The following BRWD1 variants were observed in gnomAD, a reference collection of about 807,000 sequenced individuals.
The protein encoded by BRWD1 is bromodomain and WD repeat domain containing 1.
Under a neutral mutation model 251.2 loss-of-function variants are expected in BRWD1, and 82 were observed. That is an observed-to-expected ratio of 0.33 (90% CI 0.27 to 0.39). The LOEUF (loss-of-function observed/expected upper bound fraction) is 0.39. BRWD1 is among the 10% of genes least tolerant of loss of function. The pLI is 1.00. For synonymous variants in BRWD1, 918 were observed against 902.8 expected (o/e 1.02, Z -0.30); for missense variants, 2,233 against 2,711.6 (o/e 0.82, Z 3.92).
intron 4 of BRWD1, 143 bp downstream of exon 4, chr21:39,312,698 G>A (rs923179710): frequency 6.5e-6 from 3 of 464,854 alleles, no homozygotes; most frequent in African/African-American, 2.1e-5. Flanking sequence ...AAAATCTTCA[G>A]CCGGGAACGC....
At chr21:39,220,933 G>T (rs2033150760) in intron 29 of BRWD1, among the ~76,000 whole-genome samples, 1 of 151,978 alleles carries the variant, frequency 6.6e-6, no homozygotes, top group Non-Finnish European at 1.5e-5. Context: ...CGAGGCAGGG[G>T]GATCACTTGA....
Position 39,264,514 on chromosome 21 carries a change from G to A in BRWD1, c.1831C>T (p.Arg611Ter). 1.2e-6 allele frequency: 2 copies of A among 1,611,076 alleles called. No homozygotes were observed. The highest frequency in any genetic ancestry group is 1.3e-5 in the African/African-American group (1 of 74,666). Reference protein sequence around the residue: ...PTKYQRLVPGRENSADEHLIP... With the variant: ...PTKYQRLVPG ...AAATGTTCATCTGCAGAATTTTCTCGGCCTGGTACTAATCTCTGATACTTG... is the reference window on the plus strand; with the variant it reads ...AAATGTTCATCTGCAGAATTTTCTCAGCCTGGTACTAATCTCTGATACTTG... The change falls in exon 17 of 41, where the codon CGA (arginine) becomes TGA (stop). Residue 611 changes from arginine (R) to a stop codon, truncating the protein, a stop_gained. Transcript: ENST00000342449. LOFTEE classifies it high-confidence loss of function.
intron 4 of BRWD1, among the ~76,000 whole-genome samples, chr21:39,299,022 G>A (rs1309710533): frequency 2.6e-5 from 4 of 152,038 alleles, no homozygotes; most frequent in Admixed American, 6.6e-5. Context: ...TCAGGAGTTC[G>A]AGACCAGCCT....
intron 27 of BRWD1, among the ~76,000 whole-genome samples, chr21:39,227,649 T>C (rs1231999349): frequency 2.0e-5 from 3 of 152,170 alleles, no homozygotes; most frequent in Non-Finnish European, 2.9e-5. Flanking sequence ...ATACATTACA[T>C]GGTTATAAAG....
At chr21:39,289,417 C>T (rs2035739010) in intron 8 of BRWD1, among the ~76,000 whole-genome samples, 1 of 152,158 alleles carries the variant, frequency 6.6e-6, no homozygotes, top group Non-Finnish European at 1.5e-5. Flanking sequence ...CCAGAATTTA[C>T]TTATCTTATA....
At chr21:39,312,808 A>G in intron 4 of BRWD1, 33 bp downstream of exon 4, 1 of 1,551,770 alleles carries the variant, frequency 6.4e-7, no homozygotes, top group Non-Finnish European at 8.8e-7. Flanking sequence ...CGGTGCACGG[A>G]AAACCCGGGG....
At chr21:39,254,662 T>C (rs2034504220) in intron 19 of BRWD1, among the ~76,000 whole-genome samples, 1 of 152,268 alleles carries the variant, frequency 6.6e-6, no homozygotes, top group Admixed American at 6.5e-5. Context: ...CTAAGTATAC[T>C]TGGGTTTCTT....
upstream of BRWD1, chr21:39,313,844 A>T: frequency 2.9e-6 from 1 of 340,938 alleles, no homozygotes; most frequent in South Asian, 2.5e-5. Context: ...CGAGTGGGGG[A>T]GGGGAGGGCG....
At chr21:39,242,115 G>A (rs564476067) in intron 21 of BRWD1, among the ~76,000 whole-genome samples, 2 of 152,338 alleles carry the variant, frequency 1.3e-5, no homozygotes, top group East Asian at 3.9e-4. Context: ...ATTAAGCTTA[G>A]TAAGGAAAGC....
intron 8 of BRWD1, among the ~76,000 whole-genome samples, chr21:39,289,304 T>C (rs1370661427): frequency 6.6e-6 from 1 of 152,254 alleles, no homozygotes; most frequent in East Asian, 1.9e-4. Flanking sequence ...TAAATTTGTA[T>C]TATTTTCCAC....
intron 26 of BRWD1, 92 bp downstream of exon 26, chr21:39,229,220 C>G (rs1396001813): frequency 7.8e-6 from 9 of 1,155,326 alleles, no homozygotes; most frequent in African/African-American, 1.6e-5. Context: ...ACCAGTTACC[C>G]TGGAGTTAAA....
chr21:39,255,108 T>C (rs2034518727), intron 19 of BRWD1, among the ~76,000 whole-genome samples: 1 of 152,116 alleles, frequency 6.6e-6, no homozygotes, highest in East Asian at 1.9e-4. Flanking sequence ...GGTGTGTGTG[T>C]GCATGGACAA....
intron 40 of BRWD1, among the ~76,000 whole-genome samples, chr21:39,198,481 T>G (rs1367070075): frequency 6.6e-6 from 1 of 152,092 alleles, no homozygotes; most frequent in African/African-American, 2.4e-5. Flanking sequence ...ATATAATATA[T>G]CCCCATCATC....
At chr21:39,230,766 A>G (rs1288606356) in intron 25 of BRWD1, among the ~76,000 whole-genome samples, 1 of 152,056 alleles carries the variant, frequency 6.6e-6, no homozygotes, top group African/African-American at 2.4e-5. Flanking sequence ...TGTGGCACTG[A>G]ATAGACCATG....
rs778260170 is a variant in BRWD1 at position 39,255,706 on chromosome 21, G to A, written c.2194C>T (p.Arg732Cys). The part of the protein sequence containing the change: ...NAPRSQIATE[R>C]DLQAWKRRVV... ...CTTCGTTTCCAAGCCTGCAGGTCAC[G>A]TTCTGTAGCAATCTGACTGCGTGGA... Residue 732 changes from arginine to cysteine, a missense_variant, in exon 19 of 41, where the codon CGT becomes TGT. Around this residue, in one of 12 missense-constraint regions of BRWD1, gnomAD observed 35 missense variants for 76.3 expected, o/e 0.46. Coordinates refer to ENST00000342449, the MANE Select transcript of BRWD1 (RefSeq NM_033656.4). The A allele has an allele frequency of 8.1e-6, 13 of 1,614,146 alleles. No individual in the cohort carries two copies. Among genetic ancestry groups the A allele is most frequent in the Admixed American group, 3.3e-5 (2 of 60,008 alleles).
At position 39,190,710 on chromosome 21, in the gene BRWD1, C is replaced by A. The variant is rs1306146099; in HGVS notation, c.*5549G>T. ...AAAAACATCCCATAAACTGAAGTACCCCAATGGCTGTAGAATAAAATGGTT... is the reference window on the plus strand; with the variant it reads ...AAAAACATCCCATAAACTGAAGTACACCAATGGCTGTAGAATAAAATGGTT... On this transcript the variant is annotated 3_prime_UTR_variant, in exon 41 of 41. Transcript: ENST00000342449. 1.0e-6 allele frequency: 1 copy of A among 985,202 alleles called. No individual in the cohort carries two copies. The highest frequency in any genetic ancestry group is 1.2e-6 in the Non-Finnish European group (1 of 829,902). The allele number at this position is 985,202 out of a possible 1,614,324, so 61.0% of individuals were successfully genotyped here.
chr21:39,236,597 CCTT>C lies in BRWD1; in HGVS notation c.2761_2763del (p.Lys921del), dbSNP rs1323093067. ...TTTTAAAGATACGTTTTTCTTACCT[CCTT>C]CTTAGGCTTATTTTCTTTCTTTCTC... On this transcript the variant is annotated inframe_deletion, in exon 23 of 41. Transcript: ENST00000342449. The C allele has an allele frequency of 5.0e-6, 8 of 1,591,694 alleles. No individual in the cohort carries two copies. Among genetic ancestry groups the C allele is most frequent in the Middle Eastern group, 1.7e-4 (1 of 6,000 alleles).
intron 6 of BRWD1, 84 bp from the exon 7 acceptor site, chr21:39,295,987 G>C: frequency 8.3e-7 from 1 of 1,203,676 alleles, no homozygotes; most frequent in Non-Finnish European, 1.1e-6. Context: ...ATTTCTAGAG[G>C]GTCACAAAAA....
At chr21:39,202,715 G>C (rs1203441126) in intron 37 of BRWD1, among the ~76,000 whole-genome samples, 170 bp from the exon 38 acceptor site, 2 of 152,196 alleles carry the variant, frequency 1.3e-5, no homozygotes, top group African/African-American at 2.4e-5. Context: ...CTGATTAGTA[G>C]TAGTATTTCC....
Sources: gnomAD v4.1 joint callset for allele counts (sites outside exome capture counted in the v4.1 genomes callset) on GRCh38, gnomAD v4.1.1 for gene constraint, gnomAD v4.1.1 regional missense constraint, MANE v1.5 for transcripts, NCBI Gene and HGNC (gene_info 2026-07-23, HGNC 2026-07-21) for gene names.